The following WASF3 variants were observed in gnomAD, a reference collection of about 807,000 sequenced individuals.
The protein encoded by WASF3 is actin-binding protein WASF3.
Under a neutral mutation model 46.6 loss-of-function variants are expected in WASF3, and 11 were observed. The ratio of observed to expected loss-of-function variants is 0.24; its 90% CI spans 0.15 to 0.39. The LOEUF is 0.39. WASF3 is among the 10% of genes least tolerant of loss of function. The probability of loss-of-function intolerance (pLI) is 1.00; values close to 1 mark genes in which losing one functional copy is unlikely to be tolerated. For synonymous variants in WASF3, 242 were observed against 259.7 expected (o/e 0.93, Z 0.65); for missense variants, 576 against 669.8 (o/e 0.86, Z 1.55).
chr13:26,678,998 T>TTCC (rs1324625542), intron 7 of WASF3, among the ~76,000 whole-genome samples: 26 of 149,866 alleles, frequency 1.7e-4, no homozygotes, highest in Non-Finnish European at 3.3e-4. Context: ...CCCAGCCCTC[T>TTCC]TCCTCCTCCT....
At chr13:26,644,788 A>C (rs1882100341) in intron 3 of WASF3, among the ~76,000 whole-genome samples, 2 of 152,216 alleles carry the variant, frequency 1.3e-5, no homozygotes, top group African/African-American at 4.8e-5. Context: ...GGGAGGAAGC[A>C]GAAGGAAGCC....
chr13:26,656,476 A>G (rs1270217778), intron 3 of WASF3, among the ~76,000 whole-genome samples: 2 of 152,186 alleles, frequency 1.3e-5, no homozygotes, highest in African/African-American at 4.8e-5. Flanking sequence ...TCATTATTCA[A>G]AAAATAACAT....
At chr13:26,614,842 G>A (rs969720893) in intron 2 of WASF3, among the ~76,000 whole-genome samples, 37 of 151,978 alleles carry the variant, frequency 2.4e-4, no homozygotes, top group African/African-American at 8.9e-4. Flanking sequence ...GAGGCTTATG[G>A]AGGTCTCAGC....
chr13:26,685,809 C>A lies in WASF3; in HGVS notation c.1473C>A (p.Asp491Glu), dbSNP rs374283071. Residue 491 changes from aspartate to glutamate, a missense_variant, in exon 10 of 10, where the codon GAC (aspartate) becomes GAA (glutamate). Asp to Glu is a conservative substitution (Grantham distance 45). Around this residue, in one of 3 missense-constraint regions of WASF3, gnomAD observed 68 missense variants for 100.3 expected, o/e 0.68. Transcript: ENST00000335327. ...RIAVEYSDSD[D>E]DSEFDENDWS... ...CCGTGGAGTACAGCGACTCTGACGA[C>A]GACTCAGAGTTCGACGAGAACGACT... 2 of 1,614,024 alleles carry A rather than the reference C, an allele frequency of 1.2e-6. No homozygotes were observed. The highest frequency in any genetic ancestry group is 2.2e-5 in the South Asian group (2 of 91,080).
intron 2 of WASF3, chr13:26,637,982 A>T (rs1424681653): frequency 6.6e-6 from 1 of 152,436 alleles, no homozygotes; most frequent in Non-Finnish European, 1.5e-5. Context: ...AAGGGGGTAG[A>T]AACTGGGGAG....
intron 1 of WASF3, among the ~76,000 whole-genome samples, chr13:26,605,068 C>G (rs1485351526): frequency 3.9e-5 from 6 of 152,286 alleles, no homozygotes; most frequent in African/African-American, 1.2e-4. Flanking sequence ...CTTCCACCCT[C>G]AGGACCTCTG....
At chr13:26,665,982 A>G (rs972701499) in intron 4 of WASF3, among the ~76,000 whole-genome samples, 1 of 152,190 alleles carries the variant, frequency 6.6e-6, no homozygotes, top group Non-Finnish European at 1.5e-5. Flanking sequence ...TTTTTGTGCT[A>G]TATCTATAGA....
chr13:26,564,539 C>G (rs910217758), intron 1 of WASF3, among the ~76,000 whole-genome samples: 2 of 152,132 alleles, frequency 1.3e-5, no homozygotes, highest in South Asian at 4.1e-4. Flanking sequence ...TGCGGCAGTT[C>G]CATTTTAGTT....
At chr13:26,649,595 T>TC (rs1300004349) in intron 3 of WASF3, among the ~76,000 whole-genome samples, 1 of 152,206 alleles carries the variant, frequency 6.6e-6, no homozygotes, top group East Asian at 1.9e-4. Flanking sequence ...GTTTCAGGGT[T>TC]GCAGAAACTT....
Position 26,627,961 on chromosome 13 carries a change from C to T in WASF3, c.-10-14300C>T, listed in dbSNP as rs959034394. On this transcript the variant is annotated intron_variant, in intron 2 of 9. Coordinates refer to ENST00000335327, the MANE Select transcript of WASF3 (RefSeq NM_006646.6). ...ATTTTAAAACATTGCCATGCTTGAA[C>T]GAATCAGCAATCTTCCCTAGGTGTT... Among the ~76,000 whole-genome samples the T allele has an allele frequency of 3.3e-5, 5 of 150,816 alleles. No individual in the cohort carries two copies. In the East Asian group the frequency reaches 7.8e-4, roughly 24 times the overall value.
At chr13:26,583,396 C>T (rs1880040148) in intron 1 of WASF3, among the ~76,000 whole-genome samples, 1 of 152,134 alleles carries the variant, frequency 6.6e-6, no homozygotes, top group African/African-American at 2.4e-5. Flanking sequence ...TCTAGGGCTC[C>T]TTCTCCTATA....
At chr13:26,586,697 T>G (rs1362068223) in intron 1 of WASF3, among the ~76,000 whole-genome samples, 1 of 152,200 alleles carries the variant, frequency 6.6e-6, no homozygotes, top group Non-Finnish European at 1.5e-5. Flanking sequence ...TGATCAATTC[T>G]AAGAGCCCCA....
intron 3 of WASF3, among the ~76,000 whole-genome samples, chr13:26,652,424 A>G (rs1297227394): frequency 6.6e-6 from 1 of 152,172 alleles, no homozygotes; most frequent in Middle Eastern, 3.2e-3. Context: ...ATAGTTGGAG[A>G]TTTTAACAAG....
At chr13:26,620,820 C>G (rs771386833) in intron 2 of WASF3, 4 of 152,166 alleles carry the variant, frequency 2.6e-5, no homozygotes, top group African/African-American at 9.7e-5. Context: ...CTTTATATGC[C>G]ATTTTGTGGC....
At chr13:26,653,235 C>T (rs773977157) in intron 3 of WASF3, among the ~76,000 whole-genome samples, 29 of 152,102 alleles carry the variant, frequency 1.9e-4, no homozygotes, top group Non-Finnish European at 4.0e-4. Context: ...GATACATGTA[C>T]CTTCTTTCTT....
chr13:26,580,937 T>TTC (rs1387585047), intron 1 of WASF3, among the ~76,000 whole-genome samples: 1 of 150,684 alleles, frequency 6.6e-6, no homozygotes, highest in East Asian at 1.9e-4. Context: ...AATTTCTTTT[T>TTC]TTTTTTTTTT....
At chr13:26,578,993 C>CTTTT (rs200299739) in intron 1 of WASF3, among the ~76,000 whole-genome samples, 12,429 of 59,108 alleles carry the variant, frequency 0.21, 2,461 homozygotes, top group East Asian at 0.35. Context: ...GATACATTTC[C>CTTTT]TTTTTTTTTT....
At position 26,682,771 on chromosome 13, in the gene WASF3, C is replaced by T. The variant is rs755382170; in HGVS notation, c.1148C>T (p.Pro383Leu). ...GCCAGCTCCACGCACGCAGCTCCTCCTCACCCACCCTCCACCGGGCTCCTG... is the reference window on the plus strand; with the variant it reads ...GCCAGCTCCACGCACGCAGCTCCTCTTCACCCACCCTCCACCGGGCTCCTG... Reference protein sequence around the residue: ...ASASSTHAAPPHPPSTGLLVT... With the variant: ...ASASSTHAAPLHPPSTGLLVT... The change falls in exon 9 of 10, where the codon CCT becomes CTT. Residue 383 changes from proline (P) to leucine (L), a missense_variant. Physicochemically the swap from Pro to Leu is moderately conservative, Grantham distance 98. Around this residue, in one of 3 missense-constraint regions of WASF3, gnomAD observed 295 missense variants for 291.5 expected, o/e 1.01. Coordinates refer to ENST00000335327, the MANE Select transcript of WASF3 (RefSeq NM_006646.6). The surrounding 1 kb of genome is among the most constrained non-coding windows in gnomAD (Gnocchi z 4.4). 3.6e-5 allele frequency: 58 copies of T among 1,612,418 alleles called. No homozygotes were observed. Among genetic ancestry groups the T allele is most frequent in the Non-Finnish European group, 4.3e-5 (51 of 1,180,034 alleles).
rs1446248123 is a variant in WASF3, at chr13:26,686,633, C to T, written c.*788C>T. On this transcript the variant is annotated 3_prime_UTR_variant, in exon 10 of 10. Coordinates refer to ENST00000335327, the MANE Select transcript of WASF3 (RefSeq NM_006646.6). ...ACACTCAAGATACTTGCCAGTCTCT[C>T]CAGTGTGGGCACCAGCCGGCCAGAA... 1 of 152,394 alleles carries T rather than the reference C, an allele frequency of 6.6e-6. No individual in the cohort carries two copies. The highest frequency in any genetic ancestry group is 1.5e-5 in the Non-Finnish European group (1 of 68,234). 9.4% of individuals were successfully genotyped at this position (152,394 alleles called of 1,614,324 possible).
Sources: allele counts gnomAD v4.1 joint callset (sites outside exome capture counted in the v4.1 genomes callset), GRCh38; gene constraint gnomAD v4.1.1; regional missense constraint gnomAD v4.1.1; non-coding constraint Gnocchi (gnomAD v3.1); transcripts MANE v1.5; gene names NCBI Gene and HGNC (gene_info 2026-07-23, HGNC 2026-07-21).